GRK3: variants seen among roughly 807,000 people sequenced by gnomAD.
GRK3 encodes the protein G protein-coupled receptor kinase 3, also known as adrenergic, beta, receptor kinase 2.
In GRK3, 54 loss-of-function variants were observed where a neutral mutation model predicts 95.7. That is an observed-to-expected ratio of 0.56 (90% CI 0.45 to 0.71). The LOEUF is 0.71. Ranked by LOEUF, GRK3 falls within the 30% of genes least tolerant of loss-of-function variation. The pLI, the probability that GRK3 is intolerant of heterozygous loss-of-function variation, is 0.00. For synonymous variants in GRK3, 281 were observed against 290.8 expected, an observed-to-expected ratio of 0.97 and a Z score of 0.34; for missense variants, 649 against 851.2, an observed-to-expected ratio of 0.76 and a Z score of 2.96.
intron 8 of GRK3, among the ~76,000 whole-genome samples, chr22:25,676,748 C>T (rs1263296379): frequency 1.3e-5 from 2 of 151,780 alleles, no homozygotes; most frequent in Admixed American, 6.6e-5. Context: ...TACTATTTCA[C>T]ATAACTCTCA....
intron 2 of GRK3, among the ~76,000 whole-genome samples, chr22:25,607,684 G>T (rs2084462132): frequency 6.6e-6 from 1 of 151,698 alleles, no homozygotes; most frequent in South Asian, 2.1e-4. Context: ...TCAAGCAGTT[G>T]TTGTGCCTCA....
chr22:25,662,729 A>C (rs1045741359), intron 4 of GRK3, among the ~76,000 whole-genome samples: 3 of 152,170 alleles, frequency 2.0e-5, no homozygotes, highest in African/African-American at 7.2e-5. Flanking sequence ...ACCCTTGAAG[A>C]ATGCCAGATG....
chr22:25,639,080 CTTTG>C (rs961926519), intron 2 of GRK3, among the ~76,000 whole-genome samples: 3 of 152,060 alleles, frequency 2.0e-5, no homozygotes, highest in Non-Finnish European at 2.9e-5. Context: ...TAAGAATTGT[CTTTG>C]TTTGTTTCTT....
intron 19 of GRK3, among the ~76,000 whole-genome samples, chr22:25,719,208 A>C (rs959560531): frequency 6.6e-5 from 10 of 152,090 alleles, no homozygotes; most frequent in South Asian, 2.1e-4. Flanking sequence ...AAAAAAAAAA[A>C]AACTCCATGT....
At chr22:25,590,252 C>T (rs908696346) in intron 1 of GRK3, among the ~76,000 whole-genome samples, 5 of 150,666 alleles carry the variant, frequency 3.3e-5, no homozygotes, top group Admixed American at 6.6e-5. Flanking sequence ...AATGCCACTG[C>T]GAAAAAAATG....
At chr22:25,583,074 TA>T (rs1286941723) in intron 1 of GRK3, among the ~76,000 whole-genome samples, 3 of 152,194 alleles carry the variant, frequency 2.0e-5, no homozygotes, top group African/African-American at 7.2e-5. Flanking sequence ...GCATACTTAC[TA>T]AAATTCCTAA....
chr22:25,577,248 C>G (rs938452148), intron 1 of GRK3, among the ~76,000 whole-genome samples: 3 of 151,696 alleles, frequency 2.0e-5, no homozygotes, highest in African/African-American at 4.9e-5. Context: ...TCTCGGCTCA[C>G]TGTAACCTCC....
intron 8 of GRK3, among the ~76,000 whole-genome samples, chr22:25,677,012 C>A (rs554238091): frequency 6.6e-6 from 1 of 152,282 alleles, no homozygotes; most frequent in South Asian, 2.1e-4. Context: ...AATGCACTTG[C>A]TTCCCAGAGG....
intron 16 of GRK3, 50 bp downstream of exon 16, chr22:25,710,014 C>A: frequency 1.5e-6 from 2 of 1,325,388 alleles, no homozygotes; most frequent in Non-Finnish European, 2.2e-6. Context: ...CCCGCCCTTA[C>A]CCGCTCATCT....
At chr22:25,676,234 C>A (rs940209891) in intron 8 of GRK3, among the ~76,000 whole-genome samples, 1 of 152,174 alleles carries the variant, frequency 6.6e-6, no homozygotes, top group African/African-American at 2.4e-5. Flanking sequence ...CAACCCTGGT[C>A]ACTTTCTCAT....
At chr22:25,703,487 A>G (rs1342555714) in intron 13 of GRK3, 23 bp from the exon 14 acceptor site, 1 of 1,591,110 alleles carries the variant, frequency 6.3e-7, no homozygotes, top group Non-Finnish European at 8.6e-7. Context: ...ATATTTTGAT[A>G]GAACAATTCT....
intron 1 of GRK3, among the ~76,000 whole-genome samples, chr22:25,588,368 A>G (rs1470401942): frequency 6.6e-6 from 1 of 152,230 alleles, no homozygotes; most frequent in African/African-American, 2.4e-5. Flanking sequence ...AGTTAGCCTA[A>G]TTGGGTTGTT....
At chr22:25,706,278 C>A (rs1001920654) in intron 15 of GRK3, among the ~76,000 whole-genome samples, 1 of 152,152 alleles carries the variant, frequency 6.6e-6, no homozygotes, top group African/African-American at 2.4e-5. Flanking sequence ...AGTTGGGTGT[C>A]AGGGAAGAAG....
At chr22:25,572,054 G>C (rs1235021567) in intron 1 of GRK3, among the ~76,000 whole-genome samples, 3 of 139,442 alleles carry the variant, frequency 2.2e-5, no homozygotes, top group Non-Finnish European at 3.0e-5. Context: ...TCCCCACCCT[G>C]TGTCCAAGTG....
intron 2 of GRK3, among the ~76,000 whole-genome samples, chr22:25,643,287 C>T (rs1280422474): frequency 6.6e-6 from 1 of 152,184 alleles, no homozygotes; most frequent in Non-Finnish European, 1.5e-5. Flanking sequence ...GTGCGCCTGA[C>T]CCTGGTAAAG....
intron 2 of GRK3, among the ~76,000 whole-genome samples, chr22:25,608,633 T>G (rs1207228968): frequency 6.6e-6 from 1 of 152,214 alleles, no homozygotes; most frequent in East Asian, 1.9e-4. Context: ...AGAGTGGCCC[T>G]GGCTGGCAGC....
At chr22:25,678,490 A>G in intron 8 of GRK3, among the ~76,000 whole-genome samples, 1 of 152,186 alleles carries the variant, frequency 6.6e-6, no homozygotes, top group East Asian at 1.9e-4. Context: ...ACAATTGACC[A>G]TTGCTGAATT....
chr22:25,720,124 A>C (rs2085419678), intron 19 of GRK3, among the ~76,000 whole-genome samples: 2 of 152,164 alleles, frequency 1.3e-5, no homozygotes, highest in Admixed American at 1.3e-4. Context: ...ACCTGGGCAG[A>C]TTATACATTT....
intron 12 of GRK3, among the ~76,000 whole-genome samples, chr22:25,692,166 C>G (rs1418350578): frequency 6.6e-6 from 1 of 152,080 alleles, no homozygotes; most frequent in African/African-American, 2.4e-5. Context: ...CGGGGTCTCC[C>G]AATGTTACCC....
Sources: gnomAD v4.1 joint callset for allele counts (sites outside exome capture counted in the v4.1 genomes callset) on GRCh38, gnomAD v4.1.1 for gene constraint, MANE v1.5 for transcripts, NCBI Gene and HGNC (gene_info 2026-07-23, HGNC 2026-07-21) for gene names.